SLC24A3: variants seen among roughly 807,000 people sequenced by gnomAD.
SLC24A3 encodes the protein sodium/potassium/calcium exchanger 3.
SLC24A3 carries 28 observed loss-of-function variants against 75.8 expected under a neutral mutation model. The observed-to-expected ratio is 0.37, with a 90% CI of 0.27 to 0.51. The LOEUF is 0.51. SLC24A3 is among the 20% of genes least tolerant of loss of function. The probability of loss-of-function intolerance (pLI) is 0.94; values close to 1 mark genes in which losing one functional copy is unlikely to be tolerated. For synonymous variants in SLC24A3, 372 were observed against 334.1 expected (o/e 1.11, Z -1.24); for missense variants, 663 against 847.8 (o/e 0.78, Z 2.71).
At chr20:19,241,607 G>A (rs6106043) in intron 1 of SLC24A3, among the ~76,000 whole-genome samples, 35,237 of 152,132 alleles carry the variant, frequency 0.23, 4,195 homozygotes, top group South Asian at 0.32. Flanking sequence ...GTGCATGCCC[G>A]GGGCGTTTCC....
chr20:19,235,351 C>T (rs1215389428), intron 1 of SLC24A3, among the ~76,000 whole-genome samples: 5 of 152,202 alleles, frequency 3.3e-5, no homozygotes, highest in Admixed American at 6.5e-5. Context: ...GGACCAGCTG[C>T]GGCTCTGGGT....
intron 2 of SLC24A3, among the ~76,000 whole-genome samples, chr20:19,353,224 T>C (rs554141932): frequency 3.3e-4 from 51 of 152,342 alleles, no homozygotes; most frequent in African/African-American, 1.2e-3. Flanking sequence ...CATGACTGTA[T>C]TTATACAGTT....
At chr20:19,243,075 A>G (rs141351335) in intron 1 of SLC24A3, among the ~76,000 whole-genome samples, 120 of 152,082 alleles carry the variant, frequency 7.9e-4, no homozygotes, top group African/African-American at 2.7e-3. Context: ...TTTATTTGAG[A>G]TGTTTTATGT....
chr20:19,480,791 G>T (rs772169835), intron 2 of SLC24A3, among the ~76,000 whole-genome samples: 7 of 152,176 alleles, frequency 4.6e-5, no homozygotes, highest in Non-Finnish European at 7.3e-5. Flanking sequence ...TAAGAGCTGG[G>T]TTTCTTGTTC....
At chr20:19,523,231 G>C (rs949190612) in intron 3 of SLC24A3, among the ~76,000 whole-genome samples, 1 of 152,156 alleles carries the variant, frequency 6.6e-6, no homozygotes, top group African/African-American at 2.4e-5. Context: ...AAACCAGGGG[G>C]GTTTGAAATT....
intron 6 of SLC24A3, among the ~76,000 whole-genome samples, chr20:19,586,295 G>GATTTTATTCA (rs1260505527): frequency 6.6e-6 from 1 of 152,038 alleles, no homozygotes; most frequent in Non-Finnish European, 1.5e-5. Flanking sequence ...TTCTTCATAG[G>GATTTTATTCA]GATTTTATTC....
At chr20:19,314,875 T>G (rs1485754130) in intron 2 of SLC24A3, among the ~76,000 whole-genome samples, 1 of 152,236 alleles carries the variant, frequency 6.6e-6, no homozygotes, top group African/African-American at 2.4e-5. Context: ...AAGTCTGACG[T>G]TTCAGATGTG....
chr20:19,333,258 C>T (rs1985041459), intron 2 of SLC24A3, among the ~76,000 whole-genome samples: 1 of 152,170 alleles, frequency 6.6e-6, no homozygotes, highest in Non-Finnish European at 1.5e-5. Flanking sequence ...TAGTTGTGGT[C>T]AGACATTCAG....
At chr20:19,500,729 A>C (rs1379203861) in intron 2 of SLC24A3, among the ~76,000 whole-genome samples, 1 of 152,178 alleles carries the variant, frequency 6.6e-6, no homozygotes, top group Non-Finnish European at 1.5e-5. Flanking sequence ...CACTGCATGA[A>C]CTCAAACATC....
intron 2 of SLC24A3, among the ~76,000 whole-genome samples, chr20:19,463,639 G>T (rs1402747822): frequency 7.3e-6 from 1 of 136,570 alleles, no homozygotes; most frequent in Admixed American, 7.7e-5. Flanking sequence ...CTCAAGGGCA[G>T]AAAGTCCTTA....
rs1354034342 is a variant in SLC24A3 at position 19,709,083 on chromosome 20, A to G, written c.1720-8445A>G. On this transcript the variant is annotated intron_variant, in intron 15 of 16. Coordinates refer to ENST00000328041, the MANE Select transcript of SLC24A3 (RefSeq NM_020689.4). The stretch of plus-strand genomic sequence containing the variant: ...CGGCTGTGCTAGCAAGACTATTACC[A>G]CAGTGGGCAATCAGGGCTGACTCCC... Among the ~76,000 whole-genome samples the G allele has an allele frequency of 2.0e-5, 3 of 152,152 alleles. No individual in the cohort carries two copies. In the East Asian group the frequency reaches 5.8e-4, roughly 29 times the overall value.
chr20:19,261,541 G>C (rs1305048717), intron 1 of SLC24A3, among the ~76,000 whole-genome samples: 1 of 151,824 alleles, frequency 6.6e-6, no homozygotes, highest in African/African-American at 2.4e-5. Flanking sequence ...TAAAGATGGT[G>C]TTTTGCTGTA....
At chr20:19,261,464 T>C (rs1982985073) in intron 1 of SLC24A3, among the ~76,000 whole-genome samples, 2 of 152,094 alleles carry the variant, frequency 1.3e-5, no homozygotes, top group Admixed American at 6.6e-5. Context: ...CTCAGCCTCA[T>C]GAGTAGCTGG....
At chr20:19,382,759 G>C (rs1986203585) in intron 2 of SLC24A3, among the ~76,000 whole-genome samples, 1 of 152,126 alleles carries the variant, frequency 6.6e-6, no homozygotes, top group Non-Finnish European at 1.5e-5. Context: ...AAATTAATTT[G>C]TAAACAAACA....
chr20:19,438,221 C>T (rs1358826752), intron 2 of SLC24A3, among the ~76,000 whole-genome samples: 1 of 152,212 alleles, frequency 6.6e-6, no homozygotes, highest in African/African-American at 2.4e-5. Flanking sequence ...TCTTTGAGCA[C>T]ACAAAAGTCA....
chr20:19,677,449 A>G (rs2122733289), intron 9 of SLC24A3, among the ~76,000 whole-genome samples: 2 of 152,314 alleles, frequency 1.3e-5, no homozygotes, highest in South Asian at 4.1e-4. Context: ...CCTTTTCACT[A>G]ACAGGAATTT....
At chr20:19,631,572 C>T (rs1039119427) in intron 6 of SLC24A3, among the ~76,000 whole-genome samples, 1 of 152,130 alleles carries the variant, frequency 6.6e-6, no homozygotes, top group Admixed American at 6.6e-5. Context: ...GTTGTTTACA[C>T]TCATGGTCAC....
chr20:19,653,518 C>T (rs530635572), intron 6 of SLC24A3, among the ~76,000 whole-genome samples: 1 of 152,360 alleles, frequency 6.6e-6, no homozygotes, highest in African/African-American at 2.4e-5. Flanking sequence ...GGCAGCAGCC[C>T]AGCACATGTT....
intron 2 of SLC24A3, among the ~76,000 whole-genome samples, chr20:19,336,076 C>G (rs1985125098): frequency 6.8e-6 from 1 of 147,442 alleles, no homozygotes; most frequent in South Asian, 2.1e-4. Context: ...ATGGGTGATT[C>G]AGATATCACT....
Sources: allele counts gnomAD v4.1 joint callset (sites outside exome capture counted in the v4.1 genomes callset), GRCh38; gene constraint gnomAD v4.1.1; transcripts MANE v1.5; gene names NCBI Gene and HGNC (gene_info 2026-07-23, HGNC 2026-07-21).